NUGGC: variants seen among roughly 807,000 people sequenced by gnomAD.
NUGGC encodes nuclear GTPase, germinal center associated, also known as nuclear GTPase SLIP-GC.
A neutral mutation model predicts 92.6 loss-of-function variants in NUGGC; 58 were observed. The ratio of observed to expected loss-of-function variants is 0.63; its 90% CI spans 0.51 to 0.78. The LOEUF is 0.78. NUGGC is among the 30% of genes least tolerant of loss of function. The pLI, the probability that NUGGC is intolerant of heterozygous loss-of-function variation, is 0.00. For synonymous variants in NUGGC, 376 were observed against 366.4 expected (o/e 1.03, Z -0.30); for missense variants, 925 against 964.6 (o/e 0.96, Z 0.54).
intron 16 of NUGGC, 85 bp downstream of exon 16, chr8:28,030,225 T>C (rs1809380193): frequency 5.3e-6 from 4 of 760,308 alleles, no homozygotes; most frequent in Non-Finnish European, 9.3e-6. Flanking sequence ...GAACAGGGCC[T>C]TTGAGGGAGC....
At chr8:28,068,479 G>C in intron 4 of NUGGC, 41 bp from the exon 5 acceptor site, 1 of 1,367,138 alleles carries the variant, frequency 7.3e-7, no homozygotes, top group Non-Finnish European at 1.0e-6. Context: ...GATCATCAAA[G>C]TTTAGAGTGA....
intron 14 of NUGGC, among the ~76,000 whole-genome samples, 190 bp from the exon 15 acceptor site, chr8:28,031,571 G>A (rs138892584): frequency 2.0e-5 from 3 of 152,328 alleles, no homozygotes; most frequent in East Asian, 1.9e-4. Flanking sequence ...TATGAAGTTC[G>A]TGAGATAATG....
At chr8:28,031,470 C>A in intron 14 of NUGGC, 89 bp from the exon 15 acceptor site, 1 of 1,247,040 alleles carries the variant, frequency 8.0e-7, no homozygotes, top group Non-Finnish European at 1.1e-6. Context: ...TCCTTTTATT[C>A]ATTTAAGAGA....
At chr8:28,080,726 T>G (rs1810830170) in intron 1 of NUGGC, among the ~76,000 whole-genome samples, 1 of 152,222 alleles carries the variant, frequency 6.6e-6, no homozygotes, top group Admixed American at 6.5e-5. Flanking sequence ...ATTTACTATT[T>G]TATTTATCCA....
At chr8:28,082,154 T>A (rs1810866886) in intron 1 of NUGGC, among the ~76,000 whole-genome samples, 1 of 152,132 alleles carries the variant, frequency 6.6e-6, no homozygotes, top group South Asian at 2.1e-4. Flanking sequence ...GAAGCAAAAG[T>A]GAAACAAGGG....
In NUGGC at chr8:28,023,328, T is replaced by TC; in HGVS notation, c.2379dup (p.Thr794AspfsTer9). The TC allele has an allele frequency of 6.2e-7, 1 of 1,613,528 alleles. No individual in the cohort carries two copies. Among genetic ancestry groups the TC allele is most frequent in the East Asian group, 2.2e-5 (1 of 44,846 alleles). On this transcript the variant is annotated frameshift_variant, in exon 19 of 19. Coordinates refer to ENST00000413272, the MANE Select transcript of NUGGC (RefSeq NM_001010906.2). LOFTEE classifies it high-confidence loss of function. The stretch of plus-strand genomic sequence containing the variant: ...CTAAGCCCCAGGAGTTACAGTGATG[T>TC]CCCGGGGGGGCCAGCCTTGCTGGGG...
At chr8:28,024,195 C>CTTTTTTTTTTTTTT (rs763885790) in intron 18 of NUGGC, among the ~76,000 whole-genome samples, 6 of 124,008 alleles carry the variant, frequency 4.8e-5, no homozygotes, top group Admixed American at 8.1e-5. Context: ...TAAATTCTTT[C>CTTTTTTTTTTTTTT]TTTTTTTTTT....
At chr8:28,023,546 T>A in intron 18 of NUGGC, 84 bp from the exon 19 acceptor site, 1 of 1,350,836 alleles carries the variant, frequency 7.4e-7, no homozygotes, top group South Asian at 1.3e-5. Context: ...AACAATCCTG[T>A]CACTTGTCCC....
intron 14 of NUGGC, among the ~76,000 whole-genome samples, chr8:28,032,702 C>T (rs1394626157): frequency 7.4e-6 from 1 of 135,894 alleles, no homozygotes; most frequent in African/African-American, 2.8e-5. Context: ...GCCTGGGCGA[C>T]AGAGCGAGAC....
Position 28,047,543 on chromosome 8 carries a change from A to G in NUGGC, c.1276T>C (p.Tyr426His), listed in dbSNP as rs769361736. 3 of 1,568,150 alleles carry G rather than the reference A, an allele frequency of 1.9e-6. No individual in the cohort carries two copies. The highest frequency in any genetic ancestry group is 2.3e-5 in the East Asian group (1 of 42,588). ...DLVYTVSAQE[Y>H]WQQALLTEEE... is the part of the protein sequence containing the mutation. ...TCGGTGAGGAGAGCCTGCTGCCAGTACTCCTGGGCGCTGACTGTATACACC... is the reference window on the plus strand; with the variant it reads ...TCGGTGAGGAGAGCCTGCTGCCAGTGCTCCTGGGCGCTGACTGTATACACC... The change falls in exon 11 of 19, where the codon TAC (tyrosine) becomes CAC (histidine). Residue 426 changes from tyrosine (Y) to histidine (H), a missense_variant. By Grantham distance (83) the Tyr-to-His change is moderately conservative. Coordinates refer to ENST00000413272, the MANE Select transcript of NUGGC (RefSeq NM_001010906.2).
rs1309143096 is a variant in NUGGC, at chr8:28,067,559, T to C, written c.666A>G (p.Lys222=). The C allele has an allele frequency of 6.2e-7, 1 of 1,613,078 alleles. No homozygotes were observed. The highest frequency in any genetic ancestry group is 2.2e-5 in the East Asian group (1 of 44,884). ...TGACTCTGGAGGTGGGGATCTTCCT[T>C]TTGGGCTTCGCCCTCAGTAACTCCT... ...NYEELLRAKP[K]RKIPTSRVIT... is the part of the protein sequence containing the mutation. Residue 222 remains lysine, a synonymous_variant, in exon 6 of 19, where the codon AAA becomes AAG. Coordinates refer to ENST00000413272, the MANE Select transcript of NUGGC (RefSeq NM_001010906.2).
At position 28,058,255 on chromosome 8, in the gene NUGGC, T is replaced by C; in HGVS notation, c.1116+3A>G. ...AAAATAAAAAAAACTAGTTCATACT[T>C]ACATTTCCTGCCTTTCTTTCCCTGA... On this transcript the variant is annotated splice_donor_region_variant and intron_variant, in intron 9 of 18. Coordinates refer to ENST00000413272, the MANE Select transcript of NUGGC (RefSeq NM_001010906.2). 2.0e-6 allele frequency: 1 copy of C among 508,854 alleles called. No individual in the cohort carries two copies. The highest frequency in any genetic ancestry group is 4.0e-5 in the South Asian group (1 of 25,302). The allele number at this position is 508,854 out of a possible 1,614,324, so 31.5% of individuals were successfully genotyped here. A position where few individuals can be genotyped will look rare whatever the true frequency, so the allele number is the denominator to read the frequency against.
chr8:28,032,699 C>A (rs57066082), intron 14 of NUGGC, among the ~76,000 whole-genome samples: 1 of 141,996 alleles, frequency 7.0e-6, no homozygotes, highest in Non-Finnish European at 1.5e-5. Context: ...CCAGCCTGGG[C>A]GACAGAGCGA....
chr8:28,032,589 G>A (rs1284086622), intron 14 of NUGGC, among the ~76,000 whole-genome samples: 3 of 151,056 alleles, frequency 2.0e-5, no homozygotes, highest in East Asian at 3.9e-4. Flanking sequence ...ATGGTGGCAG[G>A]TGCCTATAGT....
At chr8:28,057,898 A>G (rs1183488250) in intron 9 of NUGGC, among the ~76,000 whole-genome samples, 1 of 152,124 alleles carries the variant, frequency 6.6e-6, no homozygotes, top group African/African-American at 2.4e-5. Flanking sequence ...TTATTTAAAA[A>G]GAATTAGTTC....
At chr8:28,073,742 C>T (rs1446322439) in intron 2 of NUGGC, among the ~76,000 whole-genome samples, 1 of 152,172 alleles carries the variant, frequency 6.6e-6, no homozygotes, top group African/African-American at 2.4e-5. Flanking sequence ...TAACGTCATT[C>T]CAGGGGTCTT....
chr8:28,070,130 C>G, intron 3 of NUGGC, 122 bp downstream of exon 3: 1 of 1,448,966 alleles, frequency 6.9e-7, no homozygotes, highest in Non-Finnish European at 9.1e-7. Context: ...CCCTCTCTTT[C>G]CAAAACAGGT....
intron 7 of NUGGC, among the ~76,000 whole-genome samples, chr8:28,064,227 TC>T (rs1161813322): frequency 1.3e-5 from 2 of 152,138 alleles, no homozygotes; most frequent in African/African-American, 4.8e-5. Flanking sequence ...GCCTCCCAGT[TC>T]CCTTCTGTCC....
At chr8:28,050,278 G>A (rs556004557) in intron 10 of NUGGC, among the ~76,000 whole-genome samples, 5 of 152,112 alleles carry the variant, frequency 3.3e-5, no homozygotes, top group South Asian at 4.2e-4. Flanking sequence ...CCAGCTACTC[G>A]GGAGGCTGAG....
Sources: allele counts gnomAD v4.1 joint callset (sites outside exome capture counted in the v4.1 genomes callset), GRCh38; gene constraint gnomAD v4.1.1; transcripts MANE v1.5; gene names NCBI Gene and HGNC (gene_info 2026-07-23, HGNC 2026-07-21).